Variants in EPM2A observed in about 807,000 individuals in gnomAD.
EPM2A encodes EPM2A glucan phosphatase, laforin, also known as laforin.
A neutral mutation model predicts 26.5 loss-of-function variants in EPM2A; 21 were observed. The ratio of observed to expected loss-of-function variants is 0.79; its 90% CI spans 0.56 to 1.14. EPM2A has a LOEUF of 1.14. Among genes scored for constraint, EPM2A ranks in the 50% most tolerant of loss-of-function variants. The pLI, the probability that EPM2A is intolerant of heterozygous loss-of-function variation, is 0.00. For missense variants in EPM2A, 458 were observed against 440.8 expected, an observed-to-expected ratio of 1.04 and a Z score of -0.35; for synonymous variants, 217 against 177.6, an observed-to-expected ratio of 1.22 and a Z score of -1.76.
At chr6:145,692,674 G>A (rs542665107) in intron 1 of EPM2A, among the ~76,000 whole-genome samples, 10 of 151,972 alleles carry the variant, frequency 6.6e-5, no homozygotes, top group Admixed American at 5.2e-4. Flanking sequence ...ATTGAATAGG[G>A]TCCTTTCCCC....
chr6:145,661,517 T>C (rs574398558), intron 2 of EPM2A, among the ~76,000 whole-genome samples: 3 of 152,316 alleles, frequency 2.0e-5, no homozygotes, highest in Admixed American at 1.3e-4. Context: ...CCATCTAATT[T>C]CACTTTATTT....
At chr6:145,463,305 A>C (rs934313927) in intron 4 of EPM2A, 1 of 152,048 alleles carries the variant, frequency 6.6e-6, no homozygotes, top group Non-Finnish European at 1.5e-5. Context: ...CATTAGGGGA[A>C]GTCACAGGGG....
chr6:145,415,105 A>T (rs916858777), intron 4 of EPM2A, among the ~76,000 whole-genome samples: 3 of 152,180 alleles, frequency 2.0e-5, no homozygotes, highest in African/African-American at 7.2e-5. Flanking sequence ...TACTCACTGA[A>T]TAGCTACAGA....
intron 1 of EPM2A, among the ~76,000 whole-genome samples, chr6:145,706,256 A>G (rs1217439032): frequency 1.3e-5 from 2 of 152,200 alleles, no homozygotes; most frequent in East Asian, 1.9e-4. Context: ...ACACAAAACT[A>G]TAGCCAGGTA....
At chr6:145,455,315 AC>A (rs967073844) in intron 4 of EPM2A, among the ~76,000 whole-genome samples, 1 of 151,910 alleles carries the variant, frequency 6.6e-6, no homozygotes, top group African/African-American at 2.4e-5. Flanking sequence ...AAAAACAACT[AC>A]TTATATGATT....
intron 2 of EPM2A, among the ~76,000 whole-genome samples, chr6:145,574,331 T>G (rs1780999899): frequency 6.6e-6 from 1 of 152,176 alleles, no homozygotes; most frequent in African/African-American, 2.4e-5. Flanking sequence ...GTCAGACTAT[T>G]CTGATTGCTG....
At chr6:145,556,783 A>G (rs1780733182) in intron 2 of EPM2A, among the ~76,000 whole-genome samples, 1 of 152,228 alleles carries the variant, frequency 6.6e-6, no homozygotes, top group South Asian at 2.1e-4. Context: ...ATATGCAACC[A>G]TATCACATAA....
intron 2 of EPM2A, among the ~76,000 whole-genome samples, chr6:145,666,123 C>T (rs560261175): frequency 3.4e-5 from 5 of 147,142 alleles, no homozygotes; most frequent in Non-Finnish European, 4.5e-5. Flanking sequence ...GATGCCCTCT[C>T]TCACCGCTCC....
intron 2 of EPM2A, among the ~76,000 whole-genome samples, chr6:145,565,394 A>T (rs1779840287): frequency 6.6e-6 from 1 of 152,196 alleles, no homozygotes; most frequent in South Asian, 2.1e-4. Context: ...AACTCAAATA[A>T]GGCAGCTCTT....
rs188582516 is a variant in EPM2A at position 145,710,606 on chromosome 6, C to A, written c.302-24310G>T. Among the ~76,000 whole-genome samples, 623 of 152,242 alleles carry A rather than the reference C, an allele frequency of 4.1e-3. 17 individuals carry two copies. The East Asian group carries it at 0.07, about 17-fold the overall frequency. ...GAACTAGAAATACCATTTGACCCAG[C>A]CCTCCCATTACTGGGTATATACCCA... On this transcript the variant is annotated intron_variant, in intron 1 of 3. Coordinates refer to ENST00000367519, the MANE Select transcript of EPM2A (RefSeq NM_005670.4).
At chr6:145,683,268 G>GGTGTGTGTGTGTGTGT (rs35326843) in intron 2 of EPM2A, among the ~76,000 whole-genome samples, 1,805 of 133,934 alleles carry the variant, frequency 0.013, 23 homozygotes, top group African/African-American at 0.014. Context: ...CCCAGGATTT[G>GGTGTGTGTGTGTGTGT]GTGTGTGTGT....
chr6:145,669,614 A>C (rs1392767970), intron 2 of EPM2A, among the ~76,000 whole-genome samples: 1 of 152,186 alleles, frequency 6.6e-6, no homozygotes, highest in Non-Finnish European at 1.5e-5. Context: ...AAAACATCAT[A>C]TAAAATTTCC....
At chr6:145,620,324 C>T (rs1423588942), downstream of EPM2A, among the ~76,000 whole-genome samples, 2 of 152,110 alleles carry the variant, frequency 1.3e-5, no homozygotes, top group Non-Finnish European at 2.9e-5. Context: ...CAATCTGATG[C>T]CGCTGCTGAT....
At chr6:145,672,526 C>T (rs921672566) in intron 2 of EPM2A, among the ~76,000 whole-genome samples, 1 of 152,140 alleles carries the variant, frequency 6.6e-6, no homozygotes, top group African/African-American at 2.4e-5. Flanking sequence ...CTTTTAGATA[C>T]GAGAAAAAGA....
At chr6:145,448,215 TA>T (rs1311329120) in intron 4 of EPM2A, among the ~76,000 whole-genome samples, 1 of 152,146 alleles carries the variant, frequency 6.6e-6, no homozygotes, top group African/African-American at 2.4e-5. Context: ...TAAAAATGTG[TA>T]AAATGGTTAA....
chr6:145,622,085 T>C (rs557243781), downstream of EPM2A, among the ~76,000 whole-genome samples: 125 of 152,326 alleles, frequency 8.2e-4, no homozygotes, highest in Non-Finnish European at 1.5e-3. Context: ...GACTCATGCT[T>C]AAGTCTTAAC....
chr6:145,690,552 C>T (rs2128618385), intron 1 of EPM2A, among the ~76,000 whole-genome samples: 1 of 148,830 alleles, frequency 6.7e-6, no homozygotes, highest in African/African-American at 2.5e-5. Context: ...AAGAGCTAAC[C>T]TCATTACATA....
intron 4 of EPM2A, among the ~76,000 whole-genome samples, chr6:145,456,333 T>C (rs1168749417): frequency 6.6e-6 from 1 of 152,176 alleles, no homozygotes. Context: ...AGGTGCCAAA[T>C]AAAATTTTTT....
At chr6:145,386,960 G>A (rs1273607724) in intron 4 of EPM2A, among the ~76,000 whole-genome samples, 1 of 151,992 alleles carries the variant, frequency 6.6e-6, no homozygotes, top group Non-Finnish European at 1.5e-5. Context: ...GGGGATCTAG[G>A]GGCAGATAAT....
Sources: allele counts gnomAD v4.1 joint callset (sites outside exome capture counted in the v4.1 genomes callset), GRCh38; gene constraint gnomAD v4.1.1; transcripts MANE v1.5; gene names NCBI Gene and HGNC (gene_info 2026-07-23, HGNC 2026-07-21).